The following ANKRD45 variants were observed in gnomAD, a reference collection of about 807,000 sequenced individuals.
ANKRD45 encodes the protein ankyrin repeat domain-containing protein 45.
In ANKRD45, 21 loss-of-function variants were observed where a neutral mutation model predicts 28.1. The ratio of observed to expected loss-of-function variants is 0.75; its 90% confidence interval spans 0.53 to 1.08. The LOEUF (loss-of-function observed/expected upper bound fraction) is 1.08. ANKRD45 is among the 50% of genes least tolerant of loss of function. The pLI is 0.00. For synonymous variants in ANKRD45, 86 were observed against 103.9 expected, an observed-to-expected ratio of 0.83 and a Z score of 1.05; for missense variants, 261 against 308.7, an observed-to-expected ratio of 0.85 and a Z score of 1.16.
At chr1:173,709,663 A>T in the ANKRD45 span, among the ~76,000 whole-genome samples, 3 of 150,964 alleles carry the variant, frequency 2.0e-5, no homozygotes, top group African/African-American at 7.3e-5. Flanking sequence ...ACAGGGCCTT[A>T]CTCTGTTGCC....
chr1:173,655,528 G>A (rs1186678434), intron 2 of ANKRD45, among the ~76,000 whole-genome samples: 1 of 152,176 alleles, frequency 6.6e-6, no homozygotes, highest in Non-Finnish European at 1.5e-5. Context: ...GGTGTCAGTC[G>A]GCCCCTACTG....
chr1:173,709,134 C>G, the ANKRD45 span, among the ~76,000 whole-genome samples: 8 of 152,238 alleles, frequency 5.3e-5, no homozygotes, highest in African/African-American at 1.9e-4. Flanking sequence ...TGGAACATTC[C>G]TCCTTCCCTT....
the ANKRD45 span, among the ~76,000 whole-genome samples, chr1:173,677,820 T>TTAA: frequency 6.6e-6 from 1 of 152,116 alleles, no homozygotes; most frequent in Non-Finnish European, 1.5e-5. Flanking sequence ...AAAGTAAAAC[T>TTAA]TAATAATAAT....
At chr1:173,660,661 T>C (rs1669735273) in intron 1 of ANKRD45, among the ~76,000 whole-genome samples, 1 of 152,218 alleles carries the variant, frequency 6.6e-6, no homozygotes, top group African/African-American at 2.4e-5. Flanking sequence ...TCTCATGCGC[T>C]GTGATGGAGA....
chr1:173,611,576 TACACACACACACACAC>T lies in ANKRD45; in HGVS notation c.731-1377_731-1362del, dbSNP rs57884253. Among the ~76,000 whole-genome samples the T allele has an allele frequency of 3.8e-3, 515 of 134,004 alleles. 6 individuals carry two copies. The highest frequency in any genetic ancestry group is 0.012 in the African/African-American group (463 of 38,296). 87.9% of individuals were successfully genotyped at this position (134,004 alleles called of 152,430 possible). On this transcript the variant is annotated intron_variant, in intron 5 of 5. Transcript: ENST00000333279. The stretch of plus-strand genomic sequence containing the variant: ...GGACCCCTATGGCCTAATACATACA[TACACACACACACACAC>T]ACACACACACACACACACACACACA...
At chr1:173,624,965 T>C (rs367926946) in intron 4 of ANKRD45, 40 bp from the exon 5 acceptor site, 2 of 1,579,956 alleles carry the variant, frequency 1.3e-6, no homozygotes, top group Non-Finnish European at 8.6e-7. Context: ...CACTTATTTA[T>C]TGAAAAATAA....
At chr1:173,650,647 T>C (rs1571753633) in intron 2 of ANKRD45, among the ~76,000 whole-genome samples, 1 of 152,224 alleles carries the variant, frequency 6.6e-6, no homozygotes, top group Non-Finnish European at 1.5e-5. Context: ...AAATGGTATT[T>C]CTAGTTCTAG....
the ANKRD45 span, among the ~76,000 whole-genome samples, chr1:173,714,335 T>C: frequency 6.6e-6 from 1 of 152,182 alleles, no homozygotes; most frequent in Admixed American, 6.5e-5. Context: ...AAAAAATTTT[T>C]TTAAGAAAAT....
the ANKRD45 span, among the ~76,000 whole-genome samples, chr1:173,697,837 G>T: frequency 4.6e-5 from 7 of 152,184 alleles, no homozygotes; most frequent in East Asian, 1.4e-3. Context: ...AATGTAAATG[G>T]GCTAAATGCC....
chr1:173,639,866 G>A (rs184873421), intron 3 of ANKRD45, among the ~76,000 whole-genome samples: 4 of 152,240 alleles, frequency 2.6e-5, no homozygotes, highest in South Asian at 4.1e-4. Flanking sequence ...CCCAAATTTG[G>A]GCTAATAGAG....
Position 173,649,617 on chromosome 1 carries a change from G to T in ANKRD45, c.329-2604C>A, listed in dbSNP as rs138971794. ...TGTCTGTGGCTTATTTTGTCATTTT[G>T]TTTATGATATCTTTTATGCAGAGTT... is the stretch of plus-strand genomic sequence containing the variant. On this transcript the variant is annotated intron_variant, in intron 2 of 5. Transcript: ENST00000333279. Among the ~76,000 whole-genome samples, 954 of 152,060 alleles carry T rather than the reference G, an allele frequency of 6.3e-3. 4 individuals are homozygous for T. Among genetic ancestry groups the T allele is most frequent in the Non-Finnish European group, 0.011 (718 of 67,970 alleles).
chr1:173,705,684 TAAAA>T, the ANKRD45 span, among the ~76,000 whole-genome samples: 1 of 151,782 alleles, frequency 6.6e-6, no homozygotes, highest in African/African-American at 2.4e-5. Flanking sequence ...ATTAAATAAA[TAAAA>T]ATAGATTTTG....
chr1:173,648,803 T>C (rs1434362990), intron 2 of ANKRD45, among the ~76,000 whole-genome samples: 4 of 152,248 alleles, frequency 2.6e-5, no homozygotes, highest in African/African-American at 9.6e-5. Flanking sequence ...ATGCCAAATA[T>C]TGATTTGGGT....
At chr1:173,618,146 C>G (rs114577560) in intron 5 of ANKRD45, among the ~76,000 whole-genome samples, 1,727 of 152,270 alleles carry the variant, frequency 0.011, 43 homozygotes, top group African/African-American at 0.04. Context: ...ATTCAAAGGT[C>G]AGCAACCTCA....
chr1:173,675,235 T>G, the ANKRD45 span: 1 of 245,754 alleles, frequency 4.1e-6, no homozygotes, highest in South Asian at 3.4e-5. Flanking sequence ...AGCTTAGTTT[T>G]CAGTGACTCC....
intron 2 of ANKRD45, chr1:173,657,928 T>G (rs953773530): frequency 1.3e-5 from 2 of 152,178 alleles, no homozygotes; most frequent in Non-Finnish European, 2.9e-5. Flanking sequence ...ACTAGAATTT[T>G]AATTTTAGTT....
intron 2 of ANKRD45, among the ~76,000 whole-genome samples, chr1:173,653,448 C>A (rs930621440): frequency 6.6e-6 from 1 of 152,192 alleles, no homozygotes; most frequent in Non-Finnish European, 1.5e-5. Context: ...TTTGATTGCA[C>A]TGTGGTCTGG....
the ANKRD45 span, among the ~76,000 whole-genome samples, chr1:173,677,439 C>G: frequency 6.6e-6 from 1 of 152,056 alleles, no homozygotes; most frequent in South Asian, 2.1e-4. Flanking sequence ...ATCAGTGTGC[C>G]ATTGATATTA....
chr1:173,683,296 T>C, the ANKRD45 span, among the ~76,000 whole-genome samples: 4 of 151,872 alleles, frequency 2.6e-5, no homozygotes, highest in East Asian at 7.7e-4. Context: ...CTCTCTACCA[T>C]CCTAACAGCA....
Sources: allele counts gnomAD v4.1 joint callset (sites outside exome capture counted in the v4.1 genomes callset), GRCh38; gene constraint gnomAD v4.1.1; transcripts MANE v1.5; gene names NCBI Gene and HGNC (gene_info 2026-07-23, HGNC 2026-07-21).